ATXN7L1: variants seen among roughly 807,000 people sequenced by gnomAD.
ATXN7L1 encodes the protein ataxin-7-like protein 1.
Under a neutral mutation model 70.8 loss-of-function variants are expected in ATXN7L1, and 15 were observed. That is an observed-to-expected ratio of 0.21 (90% CI 0.14 to 0.33). ATXN7L1 has a LOEUF of 0.33. Among genes scored for constraint, ATXN7L1 ranks in the 10% least tolerant of loss-of-function variants. The pLI, the probability that ATXN7L1 is intolerant of heterozygous loss-of-function variation, is 1.00. For missense variants in ATXN7L1, 975 were observed against 1,097.1 expected (o/e 0.89, Z 1.57); for synonymous variants, 440 against 445.1 (o/e 0.99, Z 0.14).
At chr7:105,649,347 G>A (rs1460116030) in intron 4 of ATXN7L1, 1 of 985,746 alleles carries the variant, frequency 1.0e-6, no homozygotes, top group Non-Finnish European at 1.2e-6. Context: ...TCCTGGGAAA[G>A]AAACCCAATG....
At position 105,614,603 on chromosome 7, in the gene ATXN7L1, G is replaced by A; in HGVS notation, c.1731C>T (p.Leu577=). 4 of 1,551,946 alleles carry A rather than the reference G, an allele frequency of 2.6e-6. No homozygotes were observed. The highest frequency in any genetic ancestry group is 2.6e-6 in the Non-Finnish European group (3 of 1,147,018). The part of the protein sequence containing the change: ...AFVTSPDPSA[L]MSHTTAFPHV... ...GAGGGAAAGCTGTGGTGTGGGACAT[G>A]AGGGCGCTCGGGTCCGGCGATGTCA... The change falls in exon 10 of 12, where the codon CTC becomes CTT. Residue 577 remains leucine, a synonymous_variant. Transcript: ENST00000419735. This position sits in a 1 kb window ranked among gnomAD's most constrained non-coding sequence, Gnocchi z 4.3.
chr7:105,870,109 G>C (rs1037329718), intron 2 of ATXN7L1, among the ~76,000 whole-genome samples: 1 of 151,948 alleles, frequency 6.6e-6, no homozygotes, highest in Non-Finnish European at 1.5e-5. Context: ...GTGAAACCCA[G>C]CCTCTACTAA....
chr7:105,676,007 C>T, intron 3 of ATXN7L1, among the ~76,000 whole-genome samples: 1 of 151,878 alleles, frequency 6.6e-6, no homozygotes, highest in East Asian at 1.9e-4. Context: ...CCTTTGTCAT[C>T]AGAGGGCTTC....
At chr7:105,676,865 C>T (rs772675016) in intron 3 of ATXN7L1, among the ~76,000 whole-genome samples, 5 of 151,972 alleles carry the variant, frequency 3.3e-5, no homozygotes, top group African/African-American at 4.8e-5. Flanking sequence ...AACAAAAAAC[C>T]CCCCAAAACA....
intron 3 of ATXN7L1, among the ~76,000 whole-genome samples, chr7:105,702,985 G>A (rs939130436): frequency 4.6e-5 from 7 of 152,188 alleles, no homozygotes; most frequent in African/African-American, 7.2e-5. Context: ...GCGTGGCGGC[G>A]TGCGCCTGTA....
chr7:105,787,422 C>T (rs764512582), intron 3 of ATXN7L1, among the ~76,000 whole-genome samples: 1 of 152,118 alleles, frequency 6.6e-6, no homozygotes, highest in Non-Finnish European at 1.5e-5. Context: ...GACTCACTCC[C>T]AGAGGTGCTC....
At chr7:105,766,131 C>T (rs978081085) in intron 3 of ATXN7L1, among the ~76,000 whole-genome samples, 1 of 150,898 alleles carries the variant, frequency 6.6e-6, no homozygotes, top group Non-Finnish European at 1.5e-5. Context: ...CCTTCATTTA[C>T]AAAGGAATCG....
At chr7:105,711,244 G>C (rs965436075) in intron 3 of ATXN7L1, among the ~76,000 whole-genome samples, 2 of 151,088 alleles carry the variant, frequency 1.3e-5, no homozygotes, top group Admixed American at 6.6e-5. Flanking sequence ...TTTGGATGGG[G>C]ACACAAATCC....
chr7:105,809,935 T>C (rs949054642), intron 2 of ATXN7L1, among the ~76,000 whole-genome samples: 2 of 152,144 alleles, frequency 1.3e-5, no homozygotes, highest in Non-Finnish European at 2.9e-5. Context: ...CACATCCACC[T>C]AATTTTTTAA....
intron 3 of ATXN7L1, among the ~76,000 whole-genome samples, chr7:105,775,916 T>C (rs1003209848): frequency 2.6e-5 from 4 of 152,170 alleles, no homozygotes; most frequent in African/African-American, 9.7e-5. Context: ...ATAGCTGCTA[T>C]GAGGCTCTGG....
intron 2 of ATXN7L1, among the ~76,000 whole-genome samples, chr7:105,803,172 T>A (rs1807070710): frequency 6.6e-6 from 1 of 152,212 alleles, no homozygotes; most frequent in Non-Finnish European, 1.5e-5. Flanking sequence ...GGCTTCACTC[T>A]CCACCTGCCC....
chr7:105,835,751 A>G (rs1409855415), intron 2 of ATXN7L1, among the ~76,000 whole-genome samples: 1 of 152,226 alleles, frequency 6.6e-6, no homozygotes, highest in Non-Finnish European at 1.5e-5. Flanking sequence ...TAAAACCAAA[A>G]TAAATCCCAT....
intron 2 of ATXN7L1, among the ~76,000 whole-genome samples, chr7:105,805,514 C>G (rs1002023949): frequency 1.3e-5 from 2 of 152,178 alleles, no homozygotes; most frequent in African/African-American, 4.8e-5. Flanking sequence ...TGATTATATG[C>G]CAGACACTGG....
chr7:105,690,500 G>T (rs1790639793), intron 3 of ATXN7L1, among the ~76,000 whole-genome samples: 1 of 152,144 alleles, frequency 6.6e-6, no homozygotes, highest in Non-Finnish European at 1.5e-5. Flanking sequence ...TGGGACTCAA[G>T]GTCTTGGATC....
At chr7:105,665,036 C>T in intron 4 of ATXN7L1, 30 bp downstream of exon 4, 2 of 1,525,504 alleles carry the variant, frequency 1.3e-6, no homozygotes, top group South Asian at 2.4e-5. Context: ...GGGGGACAGA[C>T]AGCAGCTGGC....
intron 5 of ATXN7L1, among the ~76,000 whole-genome samples, chr7:105,642,229 G>T (rs760609302): frequency 2.6e-5 from 4 of 152,204 alleles, no homozygotes; most frequent in Non-Finnish European, 5.9e-5. Flanking sequence ...CAACCAAGGA[G>T]TAGACCCACA....
At chr7:105,847,111 T>C (rs1475680561) in intron 2 of ATXN7L1, among the ~76,000 whole-genome samples, 1 of 152,180 alleles carries the variant, frequency 6.6e-6, no homozygotes, top group Non-Finnish European at 1.5e-5. Flanking sequence ...GCATATGAAT[T>C]ATATCTTAAT....
intron 2 of ATXN7L1, among the ~76,000 whole-genome samples, chr7:105,857,076 C>T (rs1021914346): frequency 1.3e-5 from 2 of 152,164 alleles, no homozygotes; most frequent in East Asian, 1.9e-4. Context: ...ACTCATAGCC[C>T]TCAAAGCCTT....
intron 2 of ATXN7L1, among the ~76,000 whole-genome samples, chr7:105,834,124 ACT>A (rs1309555300): frequency 6.6e-6 from 1 of 151,984 alleles, no homozygotes; most frequent in African/African-American, 2.4e-5. Context: ...CTCACCGCAA[ACT>A]CTGCCTCCTA....
Sources: gnomAD v4.1 joint callset for allele counts (sites outside exome capture counted in the v4.1 genomes callset) on GRCh38, gnomAD v4.1.1 for gene constraint, Gnocchi (gnomAD v3.1) non-coding constraint, MANE v1.5 for transcripts, NCBI Gene and HGNC (gene_info 2026-07-23, HGNC 2026-07-21) for gene names.